The following CNOT6L variants were observed in gnomAD, a reference collection of about 807,000 sequenced individuals.
CNOT6L encodes the protein CCR4-NOT transcription complex subunit 6 like, also known as CCR4-NOT transcription complex subunit 6-like.
CNOT6L carries 7 observed loss-of-function variants against 64.0 expected under a neutral mutation model. The ratio of observed to expected loss-of-function variants is 0.11; its 90% CI spans 0.06 to 0.21. CNOT6L has a LOEUF of 0.21. Among genes scored for constraint, CNOT6L ranks in the 10% least tolerant of loss-of-function variants. The probability of loss-of-function intolerance (pLI) is 1.00; values close to 1 mark genes in which losing one functional copy is unlikely to be tolerated. For missense variants in CNOT6L, 245 were observed against 669.0 expected (o/e 0.37, Z 6.99); for synonymous variants, 193 against 243.4 (o/e 0.79, Z 1.93).
At chr4:77,811,338 A>G (rs551782973) in intron 1 of CNOT6L, among the ~76,000 whole-genome samples, 53 of 152,246 alleles carry the variant, frequency 3.5e-4, no homozygotes, top group African/African-American at 1.3e-3. Context: ...TCACAAGGTC[A>G]GGAGTTCGAG....
chr4:77,781,226 T>C (rs1728819722), intron 1 of CNOT6L, among the ~76,000 whole-genome samples: 1 of 152,072 alleles, frequency 6.6e-6, no homozygotes, highest in Non-Finnish European at 1.5e-5. Context: ...ACACACCTAA[T>C]GGATGCAGGG....
chr4:77,797,102 C>CAAAAAAAAAAA (rs386400560), intron 1 of CNOT6L, among the ~76,000 whole-genome samples: 2 of 52,984 alleles, frequency 3.8e-5, no homozygotes, highest in Non-Finnish European at 6.2e-5. Context: ...GACCTTGTCT[C>CAAAAAAAAAAA]AAAAAAAAAA....
chr4:77,720,862 T>A (rs1338585767), intron 11 of CNOT6L, among the ~76,000 whole-genome samples: 2 of 152,162 alleles, frequency 1.3e-5, no homozygotes, highest in Admixed American at 6.5e-5. Context: ...ATCCTTCCAT[T>A]TGTGTGTAAG....
At chr4:77,798,527 G>C (rs937572487) in intron 1 of CNOT6L, among the ~76,000 whole-genome samples, 10 of 152,116 alleles carry the variant, frequency 6.6e-5, no homozygotes, top group African/African-American at 2.4e-4. Context: ...TTAGTCATTA[G>C]AGAAGTGAAA....
intron 3 of CNOT6L, 23 bp from the exon 4 acceptor site, chr4:77,773,189 ATTAGTTT>A: frequency 2.5e-5 from 32 of 1,288,606 alleles, no homozygotes; most frequent in Non-Finnish European, 3.2e-5. Flanking sequence ...AAAAAAAAAA[ATTAGTTT>A]AATATACTAA....
At chr4:77,755,001 C>T (rs1725357654) in intron 5 of CNOT6L, among the ~76,000 whole-genome samples, 1 of 136,824 alleles carries the variant, frequency 7.3e-6, no homozygotes, top group Non-Finnish European at 1.6e-5. Context: ...GGTACCATAA[C>T]AAAAAAGATC....
At chr4:77,751,506 C>T (rs1724865840) in intron 5 of CNOT6L, among the ~76,000 whole-genome samples, 1 of 152,062 alleles carries the variant, frequency 6.6e-6, no homozygotes, top group East Asian at 1.9e-4. Context: ...TGAACATTTC[C>T]AAATTTATGT....
intron 8 of CNOT6L, among the ~76,000 whole-genome samples, chr4:77,741,225 C>T (rs1723550461): frequency 6.6e-6 from 1 of 152,122 alleles, no homozygotes; most frequent in Non-Finnish European, 1.5e-5. Flanking sequence ...GGAAAGTAGG[C>T]ATAGATAAAT....
Position 77,718,800 on chromosome 4 carries a change from C to T in CNOT6L, c.*1631G>A, listed in dbSNP as rs1254872819. ...AATGCATCATTTAAGACTAATAAAACAGCCGAAGATGTCAGGTTTGAAAGA... is the reference window on the plus strand; with the variant it reads ...AATGCATCATTTAAGACTAATAAAATAGCCGAAGATGTCAGGTTTGAAAGA... On this transcript the variant is annotated 3_prime_UTR_variant, in exon 12 of 12. Coordinates refer to ENST00000504123, the MANE Select transcript of CNOT6L (RefSeq NM_144571.3). 2 of 152,540 alleles carry T rather than the reference C, an allele frequency of 1.3e-5. No homozygotes were observed. Among genetic ancestry groups the T allele is most frequent in the Non-Finnish European group, 2.9e-5 (2 of 68,032 alleles). 9.4% of individuals were successfully genotyped at this position (152,540 alleles called of 1,614,324 possible).
At chr4:77,743,624 C>T (rs1430754241) in intron 7 of CNOT6L, among the ~76,000 whole-genome samples, 1 of 91,990 alleles carries the variant, frequency 1.1e-5, no homozygotes, top group African/African-American at 4.7e-5. Flanking sequence ...TTTTTTGAGA[C>T]AGAATCTCGC....
intron 1 of CNOT6L, among the ~76,000 whole-genome samples, chr4:77,804,896 T>C (rs1732048525): frequency 6.6e-6 from 1 of 152,348 alleles, no homozygotes; most frequent in Non-Finnish European, 1.5e-5. Flanking sequence ...GTTATGTTTT[T>C]GTGGTTATGT....
chr4:77,807,073 C>T (rs1056705895), intron 1 of CNOT6L, among the ~76,000 whole-genome samples: 1 of 151,968 alleles, frequency 6.6e-6, no homozygotes, highest in Non-Finnish European at 1.5e-5. Flanking sequence ...GAGGGGATTT[C>T]ACCATGTTGG....
At chr4:77,816,670 AT>A (rs1488704886) in intron 1 of CNOT6L, among the ~76,000 whole-genome samples, 2 of 152,196 alleles carry the variant, frequency 1.3e-5, no homozygotes, top group African/African-American at 2.4e-5. Flanking sequence ...AGAAAATAAT[AT>A]TTTTTAAAGC....
At chr4:77,760,688 T>A (rs1373955209) in intron 4 of CNOT6L, among the ~76,000 whole-genome samples, 5 of 150,060 alleles carry the variant, frequency 3.3e-5, no homozygotes, top group African/African-American at 1.2e-4. Context: ...ATATCAACAA[T>A]GAAGGGACAG....
At chr4:77,768,464 A>AAAATAAATAAAT (rs1193339622) in intron 4 of CNOT6L, among the ~76,000 whole-genome samples, 1 of 19,330 alleles carries the variant, frequency 5.2e-5, no homozygotes, top group East Asian at 2.5e-3. Context: ...GACTCTGTCT[A>AAAATAAATAAAT]AAATAAATAA....
At chr4:77,801,167 G>A (rs1490347773) in intron 1 of CNOT6L, among the ~76,000 whole-genome samples, 2 of 152,132 alleles carry the variant, frequency 1.3e-5, no homozygotes, top group East Asian at 1.9e-4. Context: ...CTGACCCTAC[G>A]TGAAAGCAAA....
chr4:77,771,292 T>C (rs986335697), intron 4 of CNOT6L, among the ~76,000 whole-genome samples: 2 of 151,992 alleles, frequency 1.3e-5, no homozygotes, highest in Non-Finnish European at 2.9e-5. Flanking sequence ...ATCATGCCAT[T>C]GCACTCCAGC....
intron 4 of CNOT6L, among the ~76,000 whole-genome samples, chr4:77,767,418 C>T (rs1726970527): frequency 6.6e-6 from 1 of 152,004 alleles, no homozygotes; most frequent in Admixed American, 6.6e-5. Flanking sequence ...AGGAGACTTT[C>T]AAAACCAGGT....
At chr4:77,733,511 AT>A (rs1254517978) in intron 8 of CNOT6L, among the ~76,000 whole-genome samples, 1 of 152,114 alleles carries the variant, frequency 6.6e-6, no homozygotes, top group African/African-American at 2.4e-5. Context: ...AATTATTCAC[AT>A]TTAATTTTTG....
Sources: allele counts gnomAD v4.1 joint callset (sites outside exome capture counted in the v4.1 genomes callset), GRCh38; gene constraint gnomAD v4.1.1; transcripts MANE v1.5; gene names NCBI Gene and HGNC (gene_info 2026-07-23, HGNC 2026-07-21).